Variants in SPON1 observed in about 807,000 individuals in gnomAD.
SPON1 encodes the protein spondin-1.
Under a neutral mutation model 111.7 loss-of-function variants are expected in SPON1, and 52 were observed. The ratio of observed to expected loss-of-function variants is 0.47; its 90% CI spans 0.37 to 0.59. The LOEUF (loss-of-function observed/expected upper bound fraction) is 0.59, where lower values mean the gene tolerates loss of function less well. Ranked by LOEUF, SPON1 falls within the 20% of genes least tolerant of loss-of-function variation. The probability of loss-of-function intolerance (pLI) is 0.00; values close to 1 mark genes in which losing one functional copy is unlikely to be tolerated. For synonymous variants in SPON1, 410 were observed against 395.8 expected, an observed-to-expected ratio of 1.04 and a Z score of -0.43; for missense variants, 957 against 1,068.5, an observed-to-expected ratio of 0.90 and a Z score of 1.46.
At position 14,063,716 on chromosome 11, in the gene SPON1, C is replaced by T. The variant is rs75864582; in HGVS notation, c.480-11629C>T. Among the ~76,000 whole-genome samples, 229 of 152,320 alleles carry T rather than the reference C, an allele frequency of 1.5e-3. 1 individual carries two copies. The highest frequency in any genetic ancestry group is 2.6e-3 in the Non-Finnish European group (175 of 68,032). Reference sequence around the variant, plus strand: ...AAAGTTGAATGCGTTGTGCAGTCAGCAAGTGTCTTTTTTATAAGAAAGCTC... The same window carrying T: ...AAAGTTGAATGCGTTGTGCAGTCAGTAAGTGTCTTTTTTATAAGAAAGCTC... On this transcript the variant is annotated intron_variant, in intron 3 of 15. Coordinates refer to ENST00000576479, the MANE Select transcript of SPON1 (RefSeq NM_006108.4).
At chr11:14,188,575 C>T (rs781957473) in intron 6 of SPON1, among the ~76,000 whole-genome samples, 2 of 152,124 alleles carry the variant, frequency 1.3e-5, no homozygotes, top group Non-Finnish European at 2.9e-5. Flanking sequence ...AGAATAAGCT[C>T]ATAGCTTCAT....
rs183713170 is a variant in SPON1 at position 14,081,803 on chromosome 11, C to G, written c.676+1782C>G. Among the ~76,000 whole-genome samples the G allele has an allele frequency of 3.4e-4, 52 of 152,208 alleles. 1 individual carries two copies. Among genetic ancestry groups the G allele is most frequent in the African/African-American group, 1.1e-3 (45 of 41,536 alleles). ...TAAGAAGACTCAGACCAGATCAGAA[C>G]CTCCATGATCCCCACGCAGCCCACC... is the stretch of plus-strand genomic sequence containing the variant. On this transcript the variant is annotated intron_variant, in intron 5 of 15. Coordinates refer to ENST00000576479, the MANE Select transcript of SPON1 (RefSeq NM_006108.4).
chr11:14,157,323 C>A (rs1355474767), intron 6 of SPON1, among the ~76,000 whole-genome samples: 1 of 152,054 alleles, frequency 6.6e-6, no homozygotes, highest in Non-Finnish European at 1.5e-5. Flanking sequence ...AAATAAGTTG[C>A]CACTTATTTT....
intron 6 of SPON1, among the ~76,000 whole-genome samples, chr11:14,193,339 G>A (rs781796157): frequency 2.0e-5 from 3 of 152,114 alleles, no homozygotes; most frequent in Non-Finnish European, 4.4e-5. Flanking sequence ...AGCCTCACTC[G>A]CACTGCCACG....
intron 6 of SPON1, among the ~76,000 whole-genome samples, chr11:14,146,133 G>A (rs1342966352): frequency 1.3e-5 from 2 of 149,512 alleles, no homozygotes; most frequent in African/African-American, 4.9e-5. Context: ...ATTTTACCAT[G>A]AACACAAATT....
chr11:14,192,927 G>C (rs992385607), intron 6 of SPON1, among the ~76,000 whole-genome samples: 26 of 152,150 alleles, frequency 1.7e-4, no homozygotes, highest in African/African-American at 6.3e-4. Context: ...AGGAATTCTC[G>C]GGGTAGAGTG....
intron 2 of SPON1, among the ~76,000 whole-genome samples, chr11:14,015,625 G>A (rs1051260449): frequency 6.6e-6 from 1 of 152,218 alleles, no homozygotes; most frequent in Non-Finnish European, 1.5e-5. Context: ...GATAATTTCT[G>A]AATTGATATG....
chr11:14,023,934 C>T (rs935030101), intron 2 of SPON1, among the ~76,000 whole-genome samples: 2 of 150,930 alleles, frequency 1.3e-5, no homozygotes. Context: ...CCCGGGAGGC[C>T]GAGGTTGGAG....
At chr11:14,157,002 G>A (rs930249037) in intron 6 of SPON1, among the ~76,000 whole-genome samples, 10 of 152,108 alleles carry the variant, frequency 6.6e-5, no homozygotes, top group Non-Finnish European at 1.2e-4. Context: ...GGTCGAGGAC[G>A]GAGAGCCAAA....
At chr11:14,035,016 C>A (rs962673465) in intron 2 of SPON1, among the ~76,000 whole-genome samples, 2 of 152,192 alleles carry the variant, frequency 1.3e-5, no homozygotes, top group African/African-American at 4.8e-5. Flanking sequence ...TGGAAACCTA[C>A]CCTCACGTCA....
At chr11:14,074,430 T>G (rs1848900605) in intron 3 of SPON1, among the ~76,000 whole-genome samples, 1 of 152,178 alleles carries the variant, frequency 6.6e-6, no homozygotes, top group Non-Finnish European at 1.5e-5. Context: ...ACTCTAATAC[T>G]CCTTCAGTGT....
intron 6 of SPON1, among the ~76,000 whole-genome samples, chr11:14,185,924 T>G (rs1460884759): frequency 6.6e-6 from 1 of 152,240 alleles, no homozygotes; most frequent in Non-Finnish European, 1.5e-5. Context: ...AATGCCAGAC[T>G]TTGCATTTGA....
chr11:14,230,731 T>TGCGAC (rs1554938601), intron 6 of SPON1, among the ~76,000 whole-genome samples: 2 of 151,714 alleles, frequency 1.3e-5, no homozygotes, highest in Non-Finnish European at 2.9e-5. Context: ...TGCGACCTTT[T>TGCGAC]CTTTTTACTT....
At chr11:14,080,344 T>C (rs568983120) in intron 5 of SPON1, among the ~76,000 whole-genome samples, 3 of 152,128 alleles carry the variant, frequency 2.0e-5, no homozygotes, top group East Asian at 3.9e-4. Flanking sequence ...TTCTCCTGCC[T>C]CAGCCTCCTG....
intron 6 of SPON1, among the ~76,000 whole-genome samples, chr11:14,176,023 G>A (rs1216573091): frequency 6.6e-6 from 1 of 152,098 alleles, no homozygotes; most frequent in Non-Finnish European, 1.5e-5. Flanking sequence ...TGTCATCTTT[G>A]ATCTACTCTA....
chr11:13,977,627 T>G (rs184645456), intron 1 of SPON1, among the ~76,000 whole-genome samples: 40 of 152,328 alleles, frequency 2.6e-4, no homozygotes, highest in African/African-American at 9.1e-4. Context: ...TCTTTGACAC[T>G]GTGACTTGCT....
intron 5 of SPON1, among the ~76,000 whole-genome samples, chr11:14,093,697 T>A (rs78904863): frequency 0.013 from 2,012 of 152,322 alleles, 21 homozygotes; most frequent in Middle Eastern, 0.044. Context: ...TCCAATCACA[T>A]GAAAAACCAC....
rs1848778970 is a variant in SPON1, at chr11:14,229,942, CTGTGTGT to C, written c.826-13389_826-13383del. Among the ~76,000 whole-genome samples, 14 of 133,996 alleles carry C rather than the reference CTGTGTGT, an allele frequency of 1.0e-4. No individual in the cohort carries two copies. The Admixed American group carries it at 1.1e-3, about 11-fold the overall frequency. The allele number at this position is 133,996 out of a possible 152,430, so 87.9% of individuals were successfully genotyped here. On this transcript the variant is annotated intron_variant, in intron 6 of 15. Coordinates refer to ENST00000576479, the MANE Select transcript of SPON1 (RefSeq NM_006108.4). ...TGTGTGTGTGTGTCTGTCTGTCTGTCTGTGTGTCCGTGTGTGTGTGTGTGTGTGTGTG... is the reference window on the plus strand; with the variant it reads ...TGTGTGTGTGTGTCTGTCTGTCTGTCCCGTGTGTGTGTGTGTGTGTGTGTG...
At chr11:13,967,520 GA>G (rs34917934) in intron 1 of SPON1, among the ~76,000 whole-genome samples, 31 of 109,304 alleles carry the variant, frequency 2.8e-4, no homozygotes, top group Admixed American at 1.0e-3. Flanking sequence ...AATTGGATAG[GA>G]AAAAAAAAAC....
Sources: gnomAD v4.1 joint callset for allele counts (sites outside exome capture counted in the v4.1 genomes callset) on GRCh38, gnomAD v4.1.1 for gene constraint, MANE v1.5 for transcripts, NCBI Gene and HGNC (gene_info 2026-07-23, HGNC 2026-07-21) for gene names.